The following LRRC75A variants were observed in gnomAD, a reference collection of about 807,000 sequenced individuals.
LRRC75A encodes the protein leucine-rich repeat-containing protein 75A.
Under a neutral mutation model 26.0 loss-of-function variants are expected in LRRC75A, and 12 were observed. The observed-to-expected ratio is 0.46, with a 90% CI of 0.30 to 0.75. The LOEUF is 0.75. Among genes scored for constraint, LRRC75A ranks in the 30% least tolerant of loss-of-function variants. The pLI, the probability that LRRC75A is intolerant of heterozygous loss-of-function variation, is 0.08. For missense variants in LRRC75A, 410 were observed against 486.6 expected (o/e 0.84, Z 1.48); for synonymous variants, 223 against 219.3 (o/e 1.02, Z -0.15).
Position 16,443,862 on chromosome 17 carries a change from A to C in LRRC75A, c.761T>G (p.Leu254Arg), listed in dbSNP as rs2093556100. ...ATTGGGGAACTTGCTGGGATCCTTA[A>C]GGATGTCAGTGAGGTCGCGCAGCAC... ...RAVLRDLTDI[L>R]KDPSKFPNVT... Residue 254 changes from leucine to arginine, a missense_variant, in exon 4 of 4, where the codon CTT (leucine) becomes CGT (arginine). By Grantham distance (102) the Leu-to-Arg change is moderately radical. Transcript: ENST00000470794. 6.2e-7 allele frequency: 1 copy of C among 1,613,704 alleles called. No homozygotes were observed. Among genetic ancestry groups the C allele is most frequent in the African/African-American group, 1.3e-5 (1 of 74,950 alleles).
At chr17:16,452,572 A>G (rs2143015541) in intron 2 of LRRC75A, among the ~76,000 whole-genome samples, 1 of 151,996 alleles carries the variant, frequency 6.6e-6, no homozygotes, top group African/African-American at 2.4e-5. Flanking sequence ...CAAGTAGCTG[A>G]TTACAGACGC....
chr17:16,449,606 C>T (rs2093614555), intron 2 of LRRC75A, among the ~76,000 whole-genome samples: 1 of 152,062 alleles, frequency 6.6e-6, no homozygotes, highest in African/African-American at 2.4e-5. Flanking sequence ...TTGAGCTCAG[C>T]TTTATTTTAA....
At chr17:16,454,830 G>C (rs35474528) in intron 2 of LRRC75A, among the ~76,000 whole-genome samples, 32,087 of 151,818 alleles carry the variant, frequency 0.21, 3,763 homozygotes, top group Middle Eastern at 0.3. Flanking sequence ...CACTATATTG[G>C]CCTTGCTGGT....
chr17:16,454,297 C>T (rs1262907281), intron 2 of LRRC75A, among the ~76,000 whole-genome samples: 1 of 152,136 alleles, frequency 6.6e-6, no homozygotes, highest in Non-Finnish European at 1.5e-5. Context: ...TAGGCTGAGG[C>T]AGGAGAGTTG....
chr17:16,449,942 G>A (rs1203546768), intron 2 of LRRC75A, among the ~76,000 whole-genome samples: 1 of 152,160 alleles, frequency 6.6e-6, no homozygotes, highest in Non-Finnish European at 1.5e-5. Flanking sequence ...AGAGCAGATG[G>A]GTTAGTGATT....
chr17:16,482,165 G>T (rs2093835861), intron 1 of LRRC75A, among the ~76,000 whole-genome samples: 1 of 152,200 alleles, frequency 6.6e-6, no homozygotes, highest in South Asian at 2.1e-4. Context: ...AGGAGGCTGT[G>T]ACTGCATAGA....
At chr17:16,485,631 A>AGTGTGTGTGTGTGTGTGTGTGTCT (rs2093844537) in intron 1 of LRRC75A, among the ~76,000 whole-genome samples, 6 of 128,402 alleles carry the variant, frequency 4.7e-5, no homozygotes, top group Non-Finnish European at 8.3e-5. Flanking sequence ...CAGGACAAGC[A>AGTGTGTGTGTGTGTGTGTGTGTCT]GTGTGTGTGT....
chr17:16,449,005 C>T (rs1200625762), intron 2 of LRRC75A, among the ~76,000 whole-genome samples: 1 of 152,230 alleles, frequency 6.6e-6, no homozygotes, highest in African/African-American at 2.4e-5. Context: ...GAGCCAAACT[C>T]GTGCTGGACA....
chr17:16,472,055 C>A (rs7224604), intron 1 of LRRC75A, among the ~76,000 whole-genome samples: 1 of 152,024 alleles, frequency 6.6e-6, no homozygotes, highest in Non-Finnish European at 1.5e-5. Context: ...ATGGTTAAAA[C>A]GGTATTTTAT....
At chr17:16,483,023 C>T (rs2093838270) in intron 1 of LRRC75A, among the ~76,000 whole-genome samples, 1 of 152,184 alleles carries the variant, frequency 6.6e-6, no homozygotes. Context: ...AGAGCAGCCC[C>T]TCAGAGAAGG....
rs563966671 is a variant in LRRC75A at position 16,470,112 on chromosome 17, G to C, written c.247-7726C>G. On this transcript the variant is annotated intron_variant, in intron 1 of 3. Coordinates refer to ENST00000470794, the MANE Select transcript of LRRC75A (RefSeq NM_001113567.3). ...CCTGTCTTTGTTTCCAGTGTGCTGAGTGTTTGTCTTTTTTTGGTGCATCGT... is the reference window on the plus strand; with the variant it reads ...CCTGTCTTTGTTTCCAGTGTGCTGACTGTTTGTCTTTTTTTGGTGCATCGT... Among the ~76,000 whole-genome samples, 66 of 152,226 alleles carry C rather than the reference G, an allele frequency of 4.3e-4. 3 individuals are homozygous for C. The South Asian group carries it at 0.011, about 26-fold the overall frequency.
Position 16,443,939 on chromosome 17 carries a change from G to A in LRRC75A, c.684C>T (p.Thr228=), listed in dbSNP as rs1250652339. ...MVLQLLPALS[T]LPRLTTLALN... ...GTGCCAGTGTGGTGAGGCGGGGCAG[G>A]GTGCTGAGTGCTGGCAGCAGCTGCA... The change falls in exon 4 of 4, where the codon ACC becomes ACT. Residue 228 remains threonine (T), a synonymous_variant. Coordinates refer to ENST00000470794, the MANE Select transcript of LRRC75A (RefSeq NM_001113567.3). 6.2e-7 allele frequency: 1 copy of A among 1,613,270 alleles called. No individual in the cohort carries two copies. Among genetic ancestry groups the A allele is most frequent in the African/African-American group, 1.3e-5 (1 of 74,930 alleles).
intron 1 of LRRC75A, among the ~76,000 whole-genome samples, chr17:16,482,703 G>A (rs2093837383): frequency 6.6e-6 from 1 of 152,256 alleles, no homozygotes. Flanking sequence ...GCTGGAATCT[G>A]ACCATGGCCA....
At chr17:16,480,637 A>C (rs1172644171) in intron 1 of LRRC75A, among the ~76,000 whole-genome samples, 4 of 151,322 alleles carry the variant, frequency 2.6e-5, no homozygotes, top group Admixed American at 6.6e-5. Flanking sequence ...CTCAAAAAAA[A>C]AAAAACAAAA....
chr17:16,445,956 T>C (rs12949021), intron 3 of LRRC75A, among the ~76,000 whole-genome samples: 85,417 of 152,072 alleles, frequency 0.56, 25,343 homozygotes, highest in Non-Finnish European at 0.67. Context: ...TTGCCCAGGC[T>C]GGAGTGCAGT....
intron 1 of LRRC75A, among the ~76,000 whole-genome samples, chr17:16,471,844 G>C (rs2093807330): frequency 6.6e-6 from 1 of 152,206 alleles, no homozygotes; most frequent in African/African-American, 2.4e-5. Context: ...GAGGGACCAA[G>C]AGTATCTAAT....
At chr17:16,466,380 C>T (rs1214738270) in intron 1 of LRRC75A, among the ~76,000 whole-genome samples, 1 of 152,264 alleles carries the variant, frequency 6.6e-6, no homozygotes, top group Non-Finnish European at 1.5e-5. Flanking sequence ...AGGCCTGCTG[C>T]ATGTGCAAGG....
At chr17:16,478,256 C>T (rs1418906826) in intron 1 of LRRC75A, among the ~76,000 whole-genome samples, 1 of 149,698 alleles carries the variant, frequency 6.7e-6, no homozygotes, top group African/African-American at 2.5e-5. Flanking sequence ...GGCGTCATCT[C>T]GGCTCACTGC....
chr17:16,471,058 G>A lies in LRRC75A; in HGVS notation c.247-8672C>T, dbSNP rs567616928. ...GCTTGTGCCCAGAAACTGTGAATGT[G>A]ACCTCATTTGGAAAAAGGGTCTTCA... On this transcript the variant is annotated intron_variant, in intron 1 of 3. Coordinates refer to ENST00000470794, the MANE Select transcript of LRRC75A (RefSeq NM_001113567.3). 5.9e-5 allele frequency among the ~76,000 whole-genome samples: 9 copies of A among 152,282 alleles called. No homozygotes were observed. The South Asian group carries it at 1.9e-3, about 32-fold the overall frequency.
Sources: gnomAD v4.1 joint callset for allele counts (sites outside exome capture counted in the v4.1 genomes callset) on GRCh38, gnomAD v4.1.1 for gene constraint, MANE v1.5 for transcripts, NCBI Gene and HGNC (gene_info 2026-07-23, HGNC 2026-07-21) for gene names.